Variants in XIAP observed in about 807,000 individuals in gnomAD.
The protein encoded by XIAP is X-linked inhibitor of apoptosis.
In XIAP, 3 loss-of-function variants were observed where a neutral mutation model predicts 33.1. The ratio of observed to expected loss-of-function variants is 0.09; its 90% confidence interval spans 0.04 to 0.23. XIAP has a LOEUF of 0.23. Ranked by LOEUF, XIAP falls within the 10% of genes least tolerant of loss-of-function variation. XIAP has a pLI of 1.00. For missense variants in XIAP, 264 were observed against 363.0 expected, an observed-to-expected ratio of 0.73 and a Z score of 2.22; for synonymous variants, 98 against 121.3, an observed-to-expected ratio of 0.81 and a Z score of 1.26.
intron 1 of XIAP, among the ~76,000 whole-genome samples, chrX:123,865,655 C>T (rs954659584): frequency 4.5e-5 from 5 of 110,757 alleles, no homozygotes; most frequent in African/African-American, 9.8e-5. Context: ...ACCCGGGAGG[C>T]GGACCTTGCA....
chrX:123,875,212 C>T (rs1483671157), intron 1 of XIAP, among the ~76,000 whole-genome samples: 12 of 106,893 alleles, frequency 1.1e-4, no homozygotes, highest in Non-Finnish European at 1.7e-4. Context: ...TTAGTAGAGA[C>T]GGGGTTTCAC....
intron 5 of XIAP, among the ~76,000 whole-genome samples, chrX:123,896,207 C>T (rs1034677347): frequency 1.3e-4 from 14 of 110,728 alleles, no homozygotes; most frequent in South Asian, 3.8e-4. Context: ...GCTGGGACTA[C>T]GGGTGTGCGC....
chrX:123,879,315 G>GATTTTTT (rs56261418), intron 1 of XIAP: 1 of 86,544 alleles, frequency 1.2e-5, no homozygotes, highest in Non-Finnish European at 2.2e-5. Context: ...CACAGAAAGA[G>GATTTTTT]TTTTTTTTTT....
intron 5 of XIAP, among the ~76,000 whole-genome samples, chrX:123,899,707 C>T (rs1476432999): frequency 9.9e-6 from 1 of 101,492 alleles, no homozygotes; most frequent in Non-Finnish European, 2.0e-5. Context: ...TCCATATTGT[C>T]TGTGGCAATA....
intron 1 of XIAP, among the ~76,000 whole-genome samples, chrX:123,871,150 C>T (rs1340239381): frequency 9.0e-6 from 1 of 110,852 alleles, no homozygotes; most frequent in African/African-American, 3.3e-5. Context: ...ACCATGTTGG[C>T]CAGGGTGGTC....
chrX:123,869,292 A>T (rs769207667), intron 1 of XIAP, among the ~76,000 whole-genome samples: 1 of 101,762 alleles, frequency 9.8e-6, no homozygotes, highest in East Asian at 3.0e-4. Context: ...AGGCAGGTGG[A>T]TCACTTGAGG....
intron 1 of XIAP, among the ~76,000 whole-genome samples, chrX:123,863,417 C>T (rs759003090): frequency 9.0e-6 from 1 of 111,331 alleles, no homozygotes; most frequent in South Asian, 3.9e-4. Context: ...CAACATTCAA[C>T]TCCAGCCTGG....
intron 5 of XIAP, among the ~76,000 whole-genome samples, chrX:123,899,480 T>C (rs1401762157): frequency 9.3e-6 from 1 of 107,857 alleles, no homozygotes; most frequent in Non-Finnish European, 1.9e-5. Context: ...GATTAAGATA[T>C]AGAACATTCC....
At chrX:123,874,216 G>C (rs917425920) in intron 1 of XIAP, among the ~76,000 whole-genome samples, 5 of 111,607 alleles carry the variant, frequency 4.5e-5, no homozygotes, top group African/African-American at 1.6e-4. Flanking sequence ...TTGTACAAGG[G>C]TGCCTGACTA....
chrX:123,893,109 C>G (rs773451161), intron 5 of XIAP, among the ~76,000 whole-genome samples: 1 of 109,850 alleles, frequency 9.1e-6, no homozygotes, highest in Non-Finnish European at 1.9e-5. Flanking sequence ...CATGAGCCAC[C>G]GCACCCGGCC....
At chrX:123,895,119 C>T (rs149484296) in intron 5 of XIAP, among the ~76,000 whole-genome samples, 1,685 of 111,621 alleles carry the variant, frequency 0.015, 30 homozygotes, top group African/African-American at 0.053. Context: ...CATGCTCACC[C>T]ATCAACAGTC....
rs1403486968 is a variant in XIAP, at chrX:123,912,446, G to A, written c.*5265G>A. The A allele has an allele frequency of 6.1e-6, 2 of 328,065 alleles. No homozygotes were observed. Among genetic ancestry groups the A allele is most frequent in the Non-Finnish European group, 1.2e-5 (2 of 169,730 alleles). 27.0% of individuals were successfully genotyped at this position (328,065 alleles called of 1,213,427 possible). On this transcript the variant is annotated 3_prime_UTR_variant, in exon 7 of 7. Coordinates refer to ENST00000371199, the MANE Select transcript of XIAP (RefSeq NM_001167.4). Reference sequence around the variant, plus strand: ...AATTAAAGTATATGATGCCAGCCTGGACAAAAGGCAAAACCCTGTCTCTAC... The same window carrying A: ...AATTAAAGTATATGATGCCAGCCTGAACAAAAGGCAAAACCCTGTCTCTAC...
At chrX:123,880,748 A>G (rs1199991614) in intron 1 of XIAP, among the ~76,000 whole-genome samples, 4 of 108,510 alleles carry the variant, frequency 3.7e-5, no homozygotes, top group African/African-American at 1.3e-4. Context: ...AAAAAAAAAA[A>G]AAAAAAAAGG....
intron 1 of XIAP, among the ~76,000 whole-genome samples, chrX:123,880,960 T>G (rs2053298865): frequency 9.0e-6 from 1 of 110,514 alleles, no homozygotes; most frequent in African/African-American, 3.3e-5. Context: ...ACCTTACATA[T>G]CACCATTGTA....
In XIAP at chrX:123,912,148, T is replaced by A; in HGVS notation, c.*4967T>A. 3.1e-6 allele frequency: 1 copy of A among 320,198 alleles called. No homozygotes were observed. The highest frequency in any genetic ancestry group is 5.9e-6 in the Non-Finnish European group (1 of 168,107). 26.4% of individuals were successfully genotyped at this position (320,198 alleles called of 1,213,427 possible). A position where few individuals can be genotyped will look rare whatever the true frequency, so the allele number is the denominator to read the frequency against. On this transcript the variant is annotated 3_prime_UTR_variant, in exon 7 of 7. Coordinates refer to ENST00000371199, the MANE Select transcript of XIAP (RefSeq NM_001167.4). ...AATAGGACAATCATCAATGCATATA[T>A]AGCCAGCCCTTCATATCTGTGGGTT...
At chrX:123,870,019 G>A (rs966277903) in intron 1 of XIAP, among the ~76,000 whole-genome samples, 14 of 112,369 alleles carry the variant, frequency 1.2e-4, no homozygotes, top group African/African-American at 3.5e-4. Context: ...GAGTGCAGTG[G>A]CGCAATCTCA....
intron 1 of XIAP, among the ~76,000 whole-genome samples, chrX:123,867,450 C>T (rs1436255376): frequency 9.3e-6 from 1 of 107,318 alleles, no homozygotes; most frequent in East Asian, 3.0e-4. Context: ...TCTCAGCTCA[C>T]TGCATCTCCG....
At chrX:123,874,694 A>ATTTTT (rs35969170) in intron 1 of XIAP, 1 of 76,729 alleles carries the variant, frequency 1.3e-5, no homozygotes, top group African/African-American at 5.2e-5. Context: ...ATGATGGGGG[A>ATTTTT]TTTTTTTTTT....
rs772747429 is a variant in XIAP at position 123,886,229 on chromosome X, C to G, written c.567C>G (p.Leu189=). 5.8e-6 allele frequency: 7 copies of G among 1,212,074 alleles called. No individual in the cohort carries two copies. The highest frequency in any genetic ancestry group is 1.8e-5 in the South Asian group (1 of 57,029). ...CAAGAGAGTTAGCAAGTGCTGGACT[C>G]TACTACACAGGTATTGGTGACCAAG... The part of the protein sequence containing the change: ...LTPRELASAG[L]YYTGIGDQVQ... The change falls in exon 2 of 7, where the codon CTC becomes CTG. Residue 189 remains leucine (L), a synonymous_variant. Coordinates refer to ENST00000371199, the MANE Select transcript of XIAP (RefSeq NM_001167.4).
Sources: allele counts gnomAD v4.1 joint callset (sites outside exome capture counted in the v4.1 genomes callset), GRCh38; gene constraint gnomAD v4.1.1; transcripts MANE v1.5; gene names NCBI Gene and HGNC (gene_info 2026-07-23, HGNC 2026-07-21).